Variants in CAD observed in about 807,000 individuals in gnomAD.
CAD encodes the protein multifunctional protein CAD.
CAD carries 81 observed loss-of-function variants against 237.2 expected under a neutral mutation model. That is an observed-to-expected ratio of 0.34 (90% CI 0.29 to 0.41). The LOEUF is 0.41. CAD is among the 10% of genes least tolerant of loss of function. The pLI, the probability that CAD is intolerant of heterozygous loss-of-function variation, is 1.00. For synonymous variants in CAD, 1,196 were observed against 1,162.8 expected, an observed-to-expected ratio of 1.03 and a Z score of -0.58; for missense variants, 2,181 against 2,951.7, an observed-to-expected ratio of 0.74 and a Z score of 6.05.
At chr2:27,218,236 T>C (rs1674971342) in intron 2 of CAD, among the ~76,000 whole-genome samples, 2 of 152,178 alleles carry the variant, frequency 1.3e-5, no homozygotes, top group Admixed American at 1.3e-4. Context: ...AGCTACCGCC[T>C]TTGTTAAGGG....
chr2:27,233,111 C>T lies in CAD; in HGVS notation c.2962C>T (p.Arg988Ter). The T allele has an allele frequency of 6.2e-7, 1 of 1,613,284 alleles. No homozygotes were observed. Among genetic ancestry groups the T allele is most frequent in the Non-Finnish European group, 8.5e-7 (1 of 1,179,274 alleles). Residue 988 changes from arginine to a stop codon, truncating the protein, a stop_gained, in exon 19 of 44, where the codon CGA becomes TGA. Coordinates refer to ENST00000264705, the MANE Select transcript of CAD (RefSeq NM_004341.5). LOFTEE classifies it high-confidence loss of function. The surrounding 1 kb of genome is among the most constrained non-coding windows in gnomAD (Gnocchi z 6.3). The stretch of plus-strand genomic sequence containing the variant: ...CAGCACCGACTATGACATGTGTGAT[C>T]GACTCTACTTTGATGAGATCTCTTT... ...TVSTDYDMCD[R>*]LYFDEISFEV...
rs1032603320 is a variant in CAD at position 27,243,742 on chromosome 2, A to G, written c.*224A>G. The G allele has an allele frequency of 1.3e-5, 7 of 556,954 alleles. No individual in the cohort carries two copies. In the Admixed American group the frequency reaches 1.6e-4, roughly 13 times the overall value. The allele number at this position is 556,954 out of a possible 1,614,324, so 34.5% of individuals were successfully genotyped here. On this transcript the variant is annotated 3_prime_UTR_variant, in exon 44 of 44. Transcript: ENST00000264705. ...TCATTCCTGCACCTTAAACCTGTAC[A>G]GTCATTTTTCTACTGACTTAATAAA...
chr2:27,234,958 G>A (rs368457502), intron 23 of CAD, among the ~76,000 whole-genome samples: 53 of 152,338 alleles, frequency 3.5e-4, no homozygotes, highest in African/African-American at 1.2e-3. Flanking sequence ...TCAAGAGACA[G>A]GAGGTGCTGC....
chr2:27,237,109 C>T lies in CAD; in HGVS notation c.4397-270C>T, dbSNP rs919061171. 4.7e-4 allele frequency among the ~76,000 whole-genome samples: 71 copies of T among 151,192 alleles called. No homozygotes were observed. The highest frequency in any genetic ancestry group is 1.4e-3 in the African/African-American group (56 of 40,978). ...TGTGATATCGGCTCACTGCAACCTC[C>T]GCCTCCCAGGTTCAAGCGATTTTCC... is the stretch of plus-strand genomic sequence containing the variant. On this transcript the variant is annotated intron_variant, in intron 27 of 43. Transcript: ENST00000264705. This position sits in a 1 kb window ranked among gnomAD's most constrained non-coding sequence, Gnocchi z 4.0.
rs1202002658 is a variant in CAD at position 27,223,965 on chromosome 2, G to T, written c.1044G>T (p.Leu348=). The T allele has an allele frequency of 6.2e-7, 1 of 1,614,146 alleles. No individual in the cohort carries two copies. The highest frequency in any genetic ancestry group is 1.7e-5 in the Admixed American group (1 of 60,024). The change falls in exon 8 of 44, where the codon CTG becomes CTT. Residue 348 remains leucine (L), a synonymous_variant. Transcript: ENST00000264705. ...AAGCTGGCCCTTCAGATATGGAACT[G>T]CTTTTCGATATCTTTCTGGAAACTG... The part of the protein sequence containing the change: ...EHQAGPSDME[L]LFDIFLETVK...
intron 30 of CAD, 67 bp downstream of exon 30, chr2:27,238,254 C>T: frequency 6.4e-7 from 1 of 1,573,802 alleles, no homozygotes. Flanking sequence ...TCAGGGTAGT[C>T]CTTAGGGGCA....
intron 16 of CAD, 36 bp from the exon 17 acceptor site, chr2:27,231,944 G>T (rs1474702910): frequency 6.2e-7 from 1 of 1,612,562 alleles, no homozygotes; most frequent in Admixed American, 1.7e-5. Context: ...AGATGGGCTG[G>T]CAGTAGCTTC....
In CAD at chr2:27,231,552, A is replaced by G. The variant is rs1438940964; in HGVS notation, c.2372A>G (p.Asp791Gly). 1 of 1,612,360 alleles carries G rather than the reference A, an allele frequency of 6.2e-7. No individual in the cohort carries two copies. The change falls in exon 16 of 44, where the codon GAT becomes GGT. Residue 791 changes from aspartate (D) to glycine (G), a missense_variant. Asp to Gly is a moderately conservative substitution (Grantham distance 94). Coordinates refer to ENST00000264705, the MANE Select transcript of CAD (RefSeq NM_004341.5). ...GTGGATGAGAACTGTGTGGGCTTTG[A>G]TCACACAGTGAAACCAGTCAGCGAT... ...RMVDENCVGF[D>G]HTVKPVSDME...
chr2:27,233,099 G>A lies in CAD; in HGVS notation c.2950G>A (p.Asp984Asn), dbSNP rs768353775. The A allele has an allele frequency of 4.3e-6, 7 of 1,613,834 alleles. No individual in the cohort carries two copies. The highest frequency in any genetic ancestry group is 5.9e-6 in the Non-Finnish European group (7 of 1,179,718). Residue 984 changes from aspartate (D) to asparagine (N), a missense_variant, in exon 19 of 44, where the codon GAC becomes AAC. This residue lies in a region of CAD where 385 missense variants were observed against 535.1 expected (regional missense o/e 0.72). Transcript: ENST00000264705. This position sits in a 1 kb window ranked among gnomAD's most constrained non-coding sequence, Gnocchi z 6.3. ...CCCAGAGACAGTCAGCACCGACTAT[G>A]ACATGTGTGATCGACTCTACTTTGA... ...YNPETVSTDY[D>N]MCDRLYFDEI...
At position 27,240,824 on chromosome 2, in the gene CAD, C is replaced by A; in HGVS notation, c.5594-87C>A. 1.4e-6 allele frequency: 2 copies of A among 1,447,100 alleles called. No individual in the cohort carries two copies. The highest frequency in any genetic ancestry group is 9.7e-7 in the Non-Finnish European group (1 of 1,034,592). The allele number at this position is 1,447,100 out of a possible 1,614,324, so 89.6% of individuals were successfully genotyped here. A position where few individuals can be genotyped will look rare whatever the true frequency, so the allele number is the denominator to read the frequency against. Reference sequence around the variant, plus strand: ...GTGTTGTGAATTGGTTTAACATATACACTGTGATTCAGAGTTCCTGGGAAT... The same window carrying A: ...GTGTTGTGAATTGGTTTAACATATAAACTGTGATTCAGAGTTCCTGGGAAT... On this transcript the variant is annotated intron_variant, in intron 35 of 43. Coordinates refer to ENST00000264705, the MANE Select transcript of CAD (RefSeq NM_004341.5). This position sits in a 1 kb window ranked among gnomAD's most constrained non-coding sequence, Gnocchi z 4.6.
At position 27,239,683 on chromosome 2, in the gene CAD, C is replaced by A. The variant is rs927792654; in HGVS notation, c.5395-14C>A. ...TCTCTGCTCCCTCCTGAGTGCCCTG[C>A]CTTCTGCCTGCAGGTTCTGGTACCC... is the stretch of plus-strand genomic sequence containing the variant. On this transcript the variant is annotated splice_polypyrimidine_tract_variant and intron_variant, in intron 33 of 43. Coordinates refer to ENST00000264705, the MANE Select transcript of CAD (RefSeq NM_004341.5). The surrounding 1 kb of genome is among the most constrained non-coding windows in gnomAD (Gnocchi z 4.0). 2 of 1,564,486 alleles carry A rather than the reference C, an allele frequency of 1.3e-6. No homozygotes were observed. The highest frequency in any genetic ancestry group is 2.4e-5 in the South Asian group (2 of 84,324).
chr2:27,238,938 G>C, intron 31 of CAD, 104 bp from the exon 32 acceptor site: 1 of 1,091,328 alleles, frequency 9.2e-7, no homozygotes. Flanking sequence ...ATTGGGAGTG[G>C]TAGTGAGCAT....
Position 27,237,074 on chromosome 2 carries a change from T to C in CAD, c.4396+244T>C, listed in dbSNP as rs1676049621. 6.9e-6 allele frequency among the ~76,000 whole-genome samples: 1 copy of C among 144,698 alleles called. No individual in the cohort carries two copies. Among genetic ancestry groups the C allele is most frequent in the African/African-American group, 2.6e-5 (1 of 37,770 alleles). 94.9% of individuals were successfully genotyped at this position (144,698 alleles called of 152,430 possible). ...TCTTACTCCATCGCCCAGGTTGGAG[T>C]GCAGTGGTGTGTGATATCGGCTCAC... On this transcript the variant is annotated intron_variant, in intron 27 of 43. Coordinates refer to ENST00000264705, the MANE Select transcript of CAD (RefSeq NM_004341.5). This position sits in a 1 kb window ranked among gnomAD's most constrained non-coding sequence, Gnocchi z 4.0.
chr2:27,231,905 CAA>C (rs1024893394), intron 16 of CAD, 73 bp from the exon 17 acceptor site: 11 of 1,570,770 alleles, frequency 7.0e-6, no homozygotes, highest in African/African-American at 2.7e-5. Flanking sequence ...CTTCCTGAGA[CAA>C]GAGCAGCTAC....
Position 27,238,201 on chromosome 2 carries a change from T to C in CAD, c.4860+14T>C, listed in dbSNP as rs1466130520. 6.2e-7 allele frequency: 1 copy of C among 1,613,134 alleles called. No homozygotes were observed. Among genetic ancestry groups the C allele is most frequent in the Admixed American group, 1.7e-5 (1 of 59,926 alleles). Reference sequence around the variant, plus strand: ...CGGAAGGAGGAGGTAAGAGTACACCTGAGATCCTGCTGTCCCTGTTGCTTT... The same window carrying C: ...CGGAAGGAGGAGGTAAGAGTACACCCGAGATCCTGCTGTCCCTGTTGCTTT... On this transcript the variant is annotated intron_variant, in intron 30 of 43. Transcript: ENST00000264705.
In CAD at chr2:27,239,038, C is replaced by G; in HGVS notation, c.5063-4C>G. The G allele has an allele frequency of 6.5e-7, 1 of 1,542,684 alleles. No homozygotes were observed. Among genetic ancestry groups the G allele is most frequent in the African/African-American group, 1.4e-5 (1 of 72,314 alleles). Reference sequence around the variant, plus strand: ...CCTGAGGGTAATGGCTTTCTTTCTCCCAGCTCCCCATACCTTGGAGGAGAA... The same window carrying G: ...CCTGAGGGTAATGGCTTTCTTTCTCGCAGCTCCCCATACCTTGGAGGAGAA... On this transcript the variant is annotated splice_region_variant and splice_polypyrimidine_tract_variant and intron_variant, in intron 31 of 43. Coordinates refer to ENST00000264705, the MANE Select transcript of CAD (RefSeq NM_004341.5). This position sits in a 1 kb window ranked among gnomAD's most constrained non-coding sequence, Gnocchi z 4.0.
Position 27,235,306 on chromosome 2 carries a change from C to G in CAD, c.3848C>G (p.Thr1283Ser). 6.2e-7 allele frequency: 1 copy of G among 1,613,900 alleles called. No individual in the cohort carries two copies. Among genetic ancestry groups the G allele is most frequent in the Non-Finnish European group, 8.5e-7 (1 of 1,179,954 alleles). Residue 1283 changes from threonine (T) to serine (S), a missense_variant, in exon 24 of 44, where the codon ACC becomes AGC. Physicochemically the swap from Thr to Ser is moderately conservative, Grantham distance 58 (BLOSUM62 1). Coordinates refer to ENST00000264705, the MANE Select transcript of CAD (RefSeq NM_004341.5). The surrounding 1 kb of genome is among the most constrained non-coding windows in gnomAD (Gnocchi z 5.2). ...GADVVLGVEM[T>S]STGEVAGFGE... ...GACGTGGTGTTGGGTGTGGAAATGA[C>G]CAGTACTGGGGAGGTGGCCGGCTTT... is the stretch of plus-strand genomic sequence containing the variant.
Position 27,234,079 on chromosome 2 carries a change from T to C in CAD, c.3471T>C (p.Asn1157=), listed in dbSNP as rs780318858. 2.2e-5 allele frequency: 36 copies of C among 1,614,160 alleles called. 1 individual carries two copies. The Middle Eastern group carries it at 8.2e-4, about 37-fold the overall frequency. The part of the protein sequence containing the change: ...AAIAISEHVE[N]AGVHSGDATL... Reference sequence around the variant, plus strand: ...TCGCCATCTCTGAGCATGTGGAGAATGCAGGTGTGCATTCAGGTGATGCGA... The same window carrying C: ...TCGCCATCTCTGAGCATGTGGAGAACGCAGGTGTGCATTCAGGTGATGCGA... The change falls in exon 22 of 44, where the codon AAT becomes AAC. Residue 1157 remains asparagine, a synonymous_variant. Transcript: ENST00000264705.
At chr2:27,226,475 C>T (rs1018450690) in intron 13 of CAD, 50 bp from the exon 14 acceptor site, 1 of 1,602,718 alleles carries the variant, frequency 6.2e-7, no homozygotes, top group East Asian at 2.2e-5. Flanking sequence ...TCTGAGACCT[C>T]TCCTAGACAG....
Sources: gnomAD v4.1 joint callset for allele counts (sites outside exome capture counted in the v4.1 genomes callset) on GRCh38, gnomAD v4.1.1 for gene constraint, gnomAD v4.1.1 regional missense constraint, Gnocchi (gnomAD v3.1) non-coding constraint, MANE v1.5 for transcripts, NCBI Gene and HGNC (gene_info 2026-07-23, HGNC 2026-07-21) for gene names.